KCNQ5: variants seen among roughly 807,000 people sequenced by gnomAD.
The protein encoded by KCNQ5 is potassium voltage-gated channel subfamily KQT member 5.
KCNQ5 carries 30 observed loss-of-function variants against 98.2 expected under a neutral mutation model. That is an observed-to-expected ratio of 0.31 (90% CI 0.23 to 0.41). The LOEUF (loss-of-function observed/expected upper bound fraction) is 0.41, where lower values mean the gene tolerates loss of function less well. Ranked by LOEUF, KCNQ5 falls within the 10% of genes least tolerant of loss-of-function variation. The pLI is 1.00. For synonymous variants in KCNQ5, 458 were observed against 449.4 expected (o/e 1.02, Z -0.24); for missense variants, 835 against 1,182.5 (o/e 0.71, Z 4.31).
intron 1 of KCNQ5, among the ~76,000 whole-genome samples, chr6:72,892,090 A>G (rs1779079080): frequency 6.6e-6 from 1 of 152,200 alleles, no homozygotes; most frequent in Non-Finnish European, 1.5e-5. Context: ...TATATACACC[A>G]TCACAGAATG....
At chr6:73,073,336 AC>A (rs1403564593) in intron 3 of KCNQ5, among the ~76,000 whole-genome samples, 1 of 152,176 alleles carries the variant, frequency 6.6e-6, no homozygotes, top group Non-Finnish European at 1.5e-5. Context: ...AAAATAATGT[AC>A]ATCAGGGTTT....
chr6:72,824,966 C>A (rs926737175), intron 1 of KCNQ5, among the ~76,000 whole-genome samples: 3 of 152,048 alleles, frequency 2.0e-5, no homozygotes, highest in Non-Finnish European at 4.4e-5. Context: ...TTGATCTTTA[C>A]AACAACCCAG....
chr6:72,688,415 G>A (rs894650327), intron 1 of KCNQ5, among the ~76,000 whole-genome samples: 1 of 151,890 alleles, frequency 6.6e-6, no homozygotes, highest in South Asian at 2.1e-4. Context: ...GCTTCTTCTT[G>A]TTTATGCTTT....
chr6:72,775,457 C>A (rs1176388406), intron 1 of KCNQ5, among the ~76,000 whole-genome samples: 1 of 152,162 alleles, frequency 6.6e-6, no homozygotes, highest in African/African-American at 2.4e-5. Context: ...GGAGAAGAGA[C>A]ACATTTGCCA....
intron 1 of KCNQ5, among the ~76,000 whole-genome samples, chr6:72,709,591 A>G (rs532162036): frequency 6.6e-6 from 1 of 152,282 alleles, no homozygotes; most frequent in African/African-American, 2.4e-5. Flanking sequence ...ATGTTCTGCA[A>G]ATTGTTTCAA....
chr6:72,692,458 T>C (rs1768260177), intron 1 of KCNQ5, among the ~76,000 whole-genome samples: 1 of 152,202 alleles, frequency 6.6e-6, no homozygotes, highest in South Asian at 2.1e-4. Flanking sequence ...TGAATGTCTC[T>C]TTCCTTCCTC....
chr6:72,853,434 C>T (rs1428136499), intron 1 of KCNQ5, among the ~76,000 whole-genome samples: 1 of 151,028 alleles, frequency 6.6e-6, no homozygotes, highest in East Asian at 1.9e-4. Context: ...ACTGTCGCCT[C>T]CCAGCTTCAA....
At chr6:72,727,451 G>C (rs1770341147) in intron 1 of KCNQ5, among the ~76,000 whole-genome samples, 1 of 152,092 alleles carries the variant, frequency 6.6e-6, no homozygotes, top group African/African-American at 2.4e-5. Flanking sequence ...TATGTACTCA[G>C]TGCCCATCCC....
Position 73,003,764 on chromosome 6 carries a change from A to G in KCNQ5, c.399-144A>G, listed in dbSNP as rs1769696693. 8.4e-6 allele frequency: 5 copies of G among 594,498 alleles called. No individual in the cohort carries two copies. The South Asian group carries it at 9.1e-5, about 11-fold the overall frequency. 36.8% of individuals were successfully genotyped at this position (594,498 alleles called of 1,614,324 possible). A position where few individuals can be genotyped will look rare whatever the true frequency, so the allele number is the denominator to read the frequency against. On this transcript the variant is annotated intron_variant, in intron 1 of 13. Transcript: ENST00000370398. ...ATATCACATTGTATTTTAATATCCA[A>G]AATGGCTAGTCCCTTCCAGAGTTTT...
At chr6:72,961,032 G>C (rs1767318880) in intron 1 of KCNQ5, among the ~76,000 whole-genome samples, 1 of 152,222 alleles carries the variant, frequency 6.6e-6, no homozygotes, top group South Asian at 2.1e-4. Flanking sequence ...CCACTAGTGA[G>C]CCTGAGGTAG....
chr6:72,964,063 A>C (rs908084785), intron 1 of KCNQ5, among the ~76,000 whole-genome samples: 1 of 152,112 alleles, frequency 6.6e-6, no homozygotes, highest in Admixed American at 6.5e-5. Context: ...TGCTTGAGAA[A>C]ATTTTTTAAA....
chr6:73,060,369 T>C (rs1772724836), intron 3 of KCNQ5, among the ~76,000 whole-genome samples: 1 of 152,080 alleles, frequency 6.6e-6, no homozygotes, highest in Non-Finnish European at 1.5e-5. Flanking sequence ...TTGGAAAAAA[T>C]TAAAGCTGTA....
At chr6:72,756,322 C>G (rs1771967727) in intron 1 of KCNQ5, among the ~76,000 whole-genome samples, 1 of 152,160 alleles carries the variant, frequency 6.6e-6, no homozygotes, top group South Asian at 2.1e-4. Flanking sequence ...TCATTGTTAG[C>G]AGGAACAACG....
rs528757560 is a variant in KCNQ5, at chr6:72,860,802, A to G, written c.399-143106A>G. Among the ~76,000 whole-genome samples the G allele has an allele frequency of 2.0e-5, 3 of 151,644 alleles. No homozygotes were observed. The East Asian group carries it at 5.8e-4, about 29-fold the overall frequency. ...TTTATTTCTGTTTATTCTTGGTCTT[A>G]ATGTATTCCTGGCTCATCACTGTCC... On this transcript the variant is annotated intron_variant, in intron 1 of 13. Coordinates refer to ENST00000370398, the MANE Select transcript of KCNQ5 (RefSeq NM_019842.4).
At position 72,677,440 on chromosome 6, in the gene KCNQ5, T is replaced by A. The variant is rs568832670; in HGVS notation, c.398+54853T>A. On this transcript the variant is annotated intron_variant, in intron 1 of 13. Transcript: ENST00000370398. ...TAAAGATTATCATCACAGTTGGCCA[T>A]ACCATGAACTTTTCTAAGTTATTTA... 5.3e-5 allele frequency among the ~76,000 whole-genome samples: 8 copies of A among 152,208 alleles called. No individual in the cohort carries two copies. The East Asian group carries it at 1.5e-3, about 29-fold the overall frequency.
intron 1 of KCNQ5, among the ~76,000 whole-genome samples, chr6:72,685,697 C>T (rs1178395772): frequency 6.6e-6 from 1 of 152,162 alleles, no homozygotes; most frequent in African/African-American, 2.4e-5. Context: ...TGGATGTGAA[C>T]TAATTTATTT....
At chr6:73,184,017 T>A (rs1291293733) in intron 11 of KCNQ5, among the ~76,000 whole-genome samples, 1 of 152,232 alleles carries the variant, frequency 6.6e-6, no homozygotes, top group African/African-American at 2.4e-5. Context: ...CTTATAATAC[T>A]GTAAATTTCA....
intron 5 of KCNQ5, among the ~76,000 whole-genome samples, chr6:73,088,562 G>A (rs564769113): frequency 1.3e-5 from 2 of 152,158 alleles, no homozygotes; most frequent in African/African-American, 4.8e-5. Context: ...TGTAATCTCA[G>A]TTATGCACAT....
intron 1 of KCNQ5, among the ~76,000 whole-genome samples, chr6:72,933,525 C>CTGAGTACTTATTAATGATCTG (rs1765776427): frequency 6.6e-6 from 1 of 152,138 alleles, no homozygotes; most frequent in Non-Finnish European, 1.5e-5. Flanking sequence ...AGTCTCTGCT[C>CTGAGTACTTATTAATGATCTG]TGAGTACTTA....
Sources: allele counts gnomAD v4.1 joint callset (sites outside exome capture counted in the v4.1 genomes callset), GRCh38; gene constraint gnomAD v4.1.1; transcripts MANE v1.5; gene names NCBI Gene and HGNC (gene_info 2026-07-23, HGNC 2026-07-21).